Variants in PRPF39 observed in about 807,000 individuals in gnomAD.
PRPF39 encodes the protein pre-mRNA-processing factor 39.
PRPF39 carries 27 observed loss-of-function variants against 82.1 expected under a neutral mutation model. The observed-to-expected ratio is 0.33, with a 90% confidence interval of 0.24 to 0.45. The LOEUF is 0.45. Ranked by LOEUF, PRPF39 falls within the 20% of genes least tolerant of loss-of-function variation. PRPF39 has a pLI of 1.00. For synonymous variants in PRPF39, 261 were observed against 256.4 expected (o/e 1.02, Z -0.17); for missense variants, 581 against 796.9 (o/e 0.73, Z 3.26).
chr14:45,113,221 T>G (rs1335659768), intron 11 of PRPF39, among the ~76,000 whole-genome samples: 1 of 152,242 alleles, frequency 6.6e-6, no homozygotes, highest in Non-Finnish European at 1.5e-5. Context: ...TGTATATATT[T>G]TTGATGGCTG....
intron 10 of PRPF39, among the ~76,000 whole-genome samples, chr14:45,111,403 T>C (rs1040010321): frequency 6.6e-6 from 1 of 152,004 alleles, no homozygotes; most frequent in Non-Finnish European, 1.5e-5. Flanking sequence ...GGTGCCATCT[T>C]GGCTCACTTC....
chr14:45,085,597 T>G (rs996206290), intron 1 of PRPF39, among the ~76,000 whole-genome samples: 5 of 152,214 alleles, frequency 3.3e-5, no homozygotes, highest in Non-Finnish European at 7.3e-5. Context: ...AAGCCGAAGA[T>G]TGATGTAGAC....
chr14:45,095,669 T>G, intron 2 of PRPF39, 106 bp downstream of exon 2: 3 of 1,378,608 alleles, frequency 2.2e-6, no homozygotes, highest in Non-Finnish European at 2.9e-6. Context: ...ACTCATAATT[T>G]TCAAATGAAG....
At chr14:45,106,133 T>C (rs1884525369) in intron 5 of PRPF39, among the ~76,000 whole-genome samples, 1 of 151,976 alleles carries the variant, frequency 6.6e-6, no homozygotes, top group Non-Finnish European at 1.5e-5. Context: ...GTGGATCACC[T>C]GAGGTCAGGA....
Position 45,110,216 on chromosome 14 carries a change from G to C in PRPF39, c.1299G>C (p.Gln433His), listed in dbSNP as rs145822341. 9.3e-6 allele frequency: 15 copies of C among 1,613,370 alleles called. No individual in the cohort carries two copies. The East Asian group carries it at 2.7e-4, about 29-fold the overall frequency. Residue 433 changes from glutamine (Q) to histidine (H), a missense_variant, in exon 9 of 14, where the codon CAG becomes CAC. Physicochemically the swap from Gln to His is conservative, Grantham distance 24. Transcript: ENST00000355765. The surrounding 1 kb of genome is among the most constrained non-coding windows in gnomAD (Gnocchi z 4.0). ...TGCTTTGGGCAGCTTTTGAGGAACAGCAGGGTAAGAGTGGAGAAATTCAGT... is the reference window on the plus strand; with the variant it reads ...TGCTTTGGGCAGCTTTTGAGGAACACCAGGGTAAGAGTGGAGAAATTCAGT... The part of the protein sequence containing the change: ...VHMLWAAFEE[Q>H]QGNINEARNI...
intron 4 of PRPF39, among the ~76,000 whole-genome samples, chr14:45,100,231 AAAACAAAC>A (rs142365872): frequency 0.016 from 2,388 of 151,826 alleles, 23 homozygotes; most frequent in Non-Finnish European, 0.024. Context: ...CCCTGTCTCA[AAAACAAAC>A]AAACAAACAA....
rs1402632933 is a variant in PRPF39, at chr14:45,114,514, A to T, written c.1853A>T (p.Lys618Met). The stretch of plus-strand genomic sequence containing the variant: ...TATAGATCAGAAGAACCAGAGGAAA[A>T]GAAAGCACATACAGAAGATACAACT... Reference protein sequence around the residue: ...AENGSEEPEEKKAHTEDTTSS... With the variant: ...AENGSEEPEEMKAHTEDTTSS... Residue 618 changes from lysine (K) to methionine (M), a missense_variant, in exon 13 of 14, where the codon AAG (lysine) becomes ATG (methionine). By Grantham distance (95) the Lys-to-Met change is moderately conservative. Coordinates refer to ENST00000355765, the MANE Select transcript of PRPF39 (RefSeq NM_017922.4). 3.7e-5 allele frequency: 59 copies of T among 1,582,028 alleles called. No homozygotes were observed. Among genetic ancestry groups the T allele is most frequent in the Non-Finnish European group, 5.0e-5 (58 of 1,171,082 alleles).
chr14:45,092,373 C>T (rs1471117857), intron 1 of PRPF39, among the ~76,000 whole-genome samples: 4 of 151,998 alleles, frequency 2.6e-5, no homozygotes. Flanking sequence ...GAGGCCGAGG[C>T]AGGCGGATCA....
At chr14:45,099,055 T>C (rs1884290409) in intron 4 of PRPF39, among the ~76,000 whole-genome samples, 1 of 152,360 alleles carries the variant, frequency 6.6e-6, no homozygotes. Context: ...TCTTGCAGAA[T>C]AGATTCTCTT....
rs1884815417 is a variant in PRPF39, at chr14:45,115,650, T to G, written c.*737T>G. ...GGATCAATTAGTAATATTAACCTTATGTTCACCTTTATTAGTGGCTCATTG... is the reference window on the plus strand; with the variant it reads ...GGATCAATTAGTAATATTAACCTTAGGTTCACCTTTATTAGTGGCTCATTG... On this transcript the variant is annotated 3_prime_UTR_variant, in exon 14 of 14. Coordinates refer to ENST00000355765, the MANE Select transcript of PRPF39 (RefSeq NM_017922.4). 1 of 152,614 alleles carries G rather than the reference T, an allele frequency of 6.6e-6. No individual in the cohort carries two copies. Among genetic ancestry groups the G allele is most frequent in the Non-Finnish European group, 1.5e-5 (1 of 68,070 alleles). 9.5% of individuals were successfully genotyped at this position (152,614 alleles called of 1,614,324 possible).
intron 7 of PRPF39, 58 bp downstream of exon 7, chr14:45,108,580 T>C: frequency 6.5e-7 from 1 of 1,535,592 alleles, no homozygotes; most frequent in Non-Finnish European, 8.7e-7. Context: ...AATTTATTTT[T>C]CTTTCAATTT....
chr14:45,089,551 C>G (rs1182515471), intron 1 of PRPF39, among the ~76,000 whole-genome samples: 1 of 152,190 alleles, frequency 6.6e-6, no homozygotes, highest in Non-Finnish European at 1.5e-5. Context: ...TCACTGCAGC[C>G]TTGACTCCCA....
intron 5 of PRPF39, among the ~76,000 whole-genome samples, chr14:45,107,091 G>A (rs965387771): frequency 6.6e-6 from 1 of 152,102 alleles, no homozygotes; most frequent in Non-Finnish European, 1.5e-5. Flanking sequence ...TATGACACAC[G>A]AATAGGTATT....
chr14:45,113,889 C>A (rs1057308109), intron 11 of PRPF39, among the ~76,000 whole-genome samples: 6 of 152,116 alleles, frequency 3.9e-5, no homozygotes, highest in African/African-American at 1.4e-4. Flanking sequence ...CAGTAGGTAG[C>A]TGACAGTAGT....
At chr14:45,086,684 C>G (rs1259893044) in intron 1 of PRPF39, among the ~76,000 whole-genome samples, 1 of 152,054 alleles carries the variant, frequency 6.6e-6, no homozygotes, top group African/African-American at 2.4e-5. Context: ...TGTTACACGG[C>G]AAGTATTATT....
rs192842224 is a variant in PRPF39 at position 45,098,891 on chromosome 14, A to G, written c.569+1886A>G. On this transcript the variant is annotated intron_variant, in intron 4 of 13. Transcript: ENST00000355765. The stretch of plus-strand genomic sequence containing the variant: ...AACTTTTAGAAGAGTGTGTCCTATA[A>G]CTTCTTGTTAAAGGATGCTTGGATG... Among the ~76,000 whole-genome samples the G allele has an allele frequency of 3.9e-3, 598 of 152,264 alleles. 11 individuals carry two copies. Among genetic ancestry groups the G allele is most frequent in the African/African-American group, 0.014 (576 of 41,556 alleles).
At chr14:45,089,797 G>A (rs1462255440) in intron 1 of PRPF39, among the ~76,000 whole-genome samples, 1 of 152,160 alleles carries the variant, frequency 6.6e-6, no homozygotes, top group African/African-American at 2.4e-5. Context: ...AGAATAAACT[G>A]ATAATAATTG....
intron 4 of PRPF39, among the ~76,000 whole-genome samples, chr14:45,098,623 A>G (rs1884276373): frequency 6.6e-6 from 1 of 152,018 alleles, no homozygotes; most frequent in Non-Finnish European, 1.5e-5. Flanking sequence ...GCAGCTTTGT[A>G]GAAGGCTTTA....
chr14:45,110,941 C>T lies in PRPF39; in HGVS notation c.1572+124C>T. ...AATAGATTTTATTACTAAATGAGGACAACAGTCCCTCTAAACTGATGTTGC... is the reference window on the plus strand; with the variant it reads ...AATAGATTTTATTACTAAATGAGGATAACAGTCCCTCTAAACTGATGTTGC... On this transcript the variant is annotated intron_variant, in intron 10 of 13. Transcript: ENST00000355765. The surrounding 1 kb of genome is among the most constrained non-coding windows in gnomAD (Gnocchi z 4.0). The T allele has an allele frequency of 1.0e-6, 1 of 969,332 alleles. No individual in the cohort carries two copies. Among genetic ancestry groups the T allele is most frequent in the Admixed American group, 2.9e-5 (1 of 34,432 alleles). 60.0% of individuals were successfully genotyped at this position (969,332 alleles called of 1,614,324 possible). A position where few individuals can be genotyped will look rare whatever the true frequency, so the allele number is the denominator to read the frequency against.
Sources: gnomAD v4.1 joint callset for allele counts (sites outside exome capture counted in the v4.1 genomes callset) on GRCh38, gnomAD v4.1.1 for gene constraint, Gnocchi (gnomAD v3.1) non-coding constraint, MANE v1.5 for transcripts, NCBI Gene and HGNC (gene_info 2026-07-23, HGNC 2026-07-21) for gene names.